The following PFKFB4 variants were observed in gnomAD, a reference collection of about 807,000 sequenced individuals.
The protein encoded by PFKFB4 is 6-phosphofructo-2-kinase/fructose-2,6-biphosphatase 4.
PFKFB4 carries 42 observed loss-of-function variants against 62.8 expected under a neutral mutation model. The observed-to-expected ratio is 0.67, with a 90% CI of 0.52 to 0.86. The LOEUF is 0.86. Among genes scored for constraint, PFKFB4 ranks in the 40% least tolerant of loss-of-function variants. The pLI, the probability that PFKFB4 is intolerant of heterozygous loss-of-function variation, is 0.00. For synonymous variants in PFKFB4, 204 were observed against 240.7 expected, an observed-to-expected ratio of 0.85 and a Z score of 1.41; for missense variants, 475 against 627.2, an observed-to-expected ratio of 0.76 and a Z score of 2.59.
upstream of PFKFB4, chr3:48,562,815 G>T (rs754381784): frequency 1.9e-6 from 3 of 1,566,230 alleles, no homozygotes; most frequent in Admixed American, 3.8e-5. The surrounding 1 kb of genome is among the most constrained non-coding windows in gnomAD (Gnocchi z 4.3). Context: ...GCCAGGATGC[G>T]GGCGTTGGTG....
chr3:48,526,480 GGAGAATCGCAT>G (rs979867954), intron 9 of PFKFB4, among the ~76,000 whole-genome samples: 1 of 151,308 alleles, frequency 6.6e-6, no homozygotes, highest in African/African-American at 2.4e-5. Flanking sequence ...GGCTGAAGCA[GGAGAATCGCAT>G]GTACCCAAGA....
chr3:48,552,612 AGGTG>A (rs1291637179), intron 1 of PFKFB4, among the ~76,000 whole-genome samples: 2 of 152,036 alleles, frequency 1.3e-5, no homozygotes, highest in Non-Finnish European at 2.9e-5. Context: ...GTTCCCGGCC[AGGTG>A]GCCGGGCTCT....
chr3:48,544,078 G>C (rs915408755), intron 3 of PFKFB4, among the ~76,000 whole-genome samples: 1 of 150,224 alleles, frequency 6.7e-6, no homozygotes, highest in Non-Finnish European at 1.5e-5. Flanking sequence ...GCAGTGGTGC[G>C]ATCTCGGCTC....
At chr3:48,550,275 C>G in intron 1 of PFKFB4, 41 bp from the exon 2 acceptor site, 8 of 1,268,822 alleles carry the variant, frequency 6.3e-6, no homozygotes, top group Non-Finnish European at 9.2e-6. Context: ...GGGCTGGGAC[C>G]CTCCCAGCGC....
Position 48,536,243 on chromosome 3 carries a change from C to T in PFKFB4, c.840+13G>A. On this transcript the variant is annotated intron_variant, in intron 8 of 13. Transcript: ENST00000232375. ...GCAGGCCCGTGTGCGCACGCAGGGACACATGCACTGACCTCCCTGCCCCGA... is the reference window on the plus strand; with the variant it reads ...GCAGGCCCGTGTGCGCACGCAGGGATACATGCACTGACCTCCCTGCCCCGA... The T allele has an allele frequency of 1.2e-6, 2 of 1,609,490 alleles. No individual in the cohort carries two copies. The highest frequency in any genetic ancestry group is 8.5e-7 in the Non-Finnish European group (1 of 1,177,128).
upstream of PFKFB4, among the ~76,000 whole-genome samples, chr3:48,560,353 C>T (rs1458878656): frequency 1.3e-5 from 2 of 152,214 alleles, no homozygotes; most frequent in Non-Finnish European, 2.9e-5. Context: ...CCAGGAATTC[C>T]AGCTTCCTCT....
rs997186242 is a variant in PFKFB4 at position 48,523,394 on chromosome 3, A to C, written c.1285+143T>G. 11 of 800,326 alleles carry C rather than the reference A, an allele frequency of 1.4e-5. No homozygotes were observed. The African/African-American group carries it at 1.9e-4, about 14-fold the overall frequency. The allele number at this position is 800,326 out of a possible 1,614,324, so 49.6% of individuals were successfully genotyped here. A position where few individuals can be genotyped will look rare whatever the true frequency, so the allele number is the denominator to read the frequency against. The stretch of plus-strand genomic sequence containing the variant: ...GCGAGACTCCGTCTCAAAGAAAAAA[A>C]GCAAATTGGGAAAGGTGGTGGGGTA... On this transcript the variant is annotated intron_variant, in intron 12 of 13. Coordinates refer to ENST00000232375, the MANE Select transcript of PFKFB4 (RefSeq NM_004567.4).
At chr3:48,532,902 T>A (rs2042472533) in intron 9 of PFKFB4, among the ~76,000 whole-genome samples, 1 of 152,232 alleles carries the variant, frequency 6.6e-6, no homozygotes, top group Admixed American at 6.5e-5. Context: ...GAGGATATTA[T>A]GCTAACTAAA....
chr3:48,520,015 G>A (rs903781283), intron 13 of PFKFB4, among the ~76,000 whole-genome samples: 2 of 152,172 alleles, frequency 1.3e-5, no homozygotes, highest in Non-Finnish European at 2.9e-5. Flanking sequence ...GAACAAAGGT[G>A]CGGTGGAGGA....
intron 9 of PFKFB4, among the ~76,000 whole-genome samples, chr3:48,532,997 G>A (rs1560159649): frequency 6.6e-6 from 1 of 152,212 alleles, no homozygotes; most frequent in Non-Finnish European, 1.5e-5. Context: ...GACAGAAAGT[G>A]GTTGCCAGGG....
Position 48,556,626 on chromosome 3 carries a change from C to A in PFKFB4, c.97+55G>T, listed in dbSNP as rs1575407376. 6.5e-7 allele frequency: 1 copy of A among 1,536,818 alleles called. No homozygotes were observed. The highest frequency in any genetic ancestry group is 2.3e-5 in the East Asian group (1 of 43,126). ...CATGCGAGACCCCCGCCCAGGCCGC[C>A]CTACCCACCCATCCCGGTGCACCTC... On this transcript the variant is annotated intron_variant, in intron 1 of 13. Transcript: ENST00000232375. The surrounding 1 kb of genome is among the most constrained non-coding windows in gnomAD (Gnocchi z 5.7).
rs115668398 is a variant in PFKFB4 at position 48,536,889 on chromosome 3, C to T, written c.633-426G>A. On this transcript the variant is annotated intron_variant, in intron 7 of 13. Coordinates refer to ENST00000232375, the MANE Select transcript of PFKFB4 (RefSeq NM_004567.4). ...TTGGGAGTAGCTGGCAAACGCTCCA[C>T]GCCCTCACTCTTCCTGGTCAGCTGT... 6.5e-3 allele frequency: 1,122 copies of T among 172,712 alleles called. 10 individuals carry two copies. Among genetic ancestry groups the T allele is most frequent in the African/African-American group, 0.025 (1,061 of 42,346 alleles). The allele number at this position is 172,712 out of a possible 1,614,324, so 10.7% of individuals were successfully genotyped here.
Position 48,550,222 on chromosome 3 carries a change from T to G in PFKFB4, c.110A>C (p.Asn37Thr). ...CACCATGACAATGAGAGTTGGGCAG[T>G]TGGTCATGCACACTAAAAGGCAAGC... ...HACQRGVCMTNCPTLIVMVGL... is the reference protein window; with the variant it reads ...HACQRGVCMTTCPTLIVMVGL... Residue 37 changes from asparagine to threonine, a missense_variant, in exon 2 of 14, where the codon AAC (asparagine) becomes ACC (threonine). By Grantham distance (65) the Asn-to-Thr change is moderately conservative. Transcript: ENST00000232375. 1 of 1,612,986 alleles carries G rather than the reference T, an allele frequency of 6.2e-7. No individual in the cohort carries two copies. The highest frequency in any genetic ancestry group is 8.5e-7 in the Non-Finnish European group (1 of 1,179,012).
chr3:48,532,180 T>G (rs1478491448), intron 9 of PFKFB4, among the ~76,000 whole-genome samples: 2 of 152,092 alleles, frequency 1.3e-5, no homozygotes, highest in Non-Finnish European at 2.9e-5. Context: ...CATCGTGGTG[T>G]GGGCCTGTAA....
Position 48,536,250 on chromosome 3 carries a change from A to C in PFKFB4, c.840+6T>G. 6.2e-7 allele frequency: 1 copy of C among 1,611,930 alleles called. No individual in the cohort carries two copies. Among genetic ancestry groups the C allele is most frequent in the Admixed American group, 1.7e-5 (1 of 60,010 alleles). On this transcript the variant is annotated splice_donor_region_variant and intron_variant, in intron 8 of 13. Coordinates refer to ENST00000232375, the MANE Select transcript of PFKFB4 (RefSeq NM_004567.4). ...CGTGTGCGCACGCAGGGACACATGC[A>C]CTGACCTCCCTGCCCCGAGGGGACA...
At chr3:48,558,462 G>A (rs1162816801), upstream of PFKFB4, among the ~76,000 whole-genome samples, 2 of 152,226 alleles carry the variant, frequency 1.3e-5, no homozygotes, top group South Asian at 2.1e-4. Flanking sequence ...GACTGGCCTC[G>A]TGGGCTATAG....
intron 4 of PFKFB4, 25 bp from the exon 5 acceptor site, chr3:48,539,796 AGCCTCTG>A: frequency 6.2e-7 from 1 of 1,601,306 alleles, no homozygotes; most frequent in South Asian, 1.1e-5. Context: ...GGGTTAACTC[AGCCTCTG>A]GCCCTGGGGA....
chr3:48,520,480 C>T (rs2042063534), intron 13 of PFKFB4, among the ~76,000 whole-genome samples: 1 of 152,164 alleles, frequency 6.6e-6, no homozygotes, highest in African/African-American at 2.4e-5. Context: ...GCTGTGGGCC[C>T]CGGAACCATC....
intron 9 of PFKFB4, among the ~76,000 whole-genome samples, chr3:48,528,870 G>A (rs2042344807): frequency 6.6e-6 from 1 of 152,138 alleles, no homozygotes; most frequent in Admixed American, 6.6e-5. Context: ...AACATTAGTG[G>A]TAGCTTAAGG....
Sources: allele counts gnomAD v4.1 joint callset (sites outside exome capture counted in the v4.1 genomes callset), GRCh38; gene constraint gnomAD v4.1.1; non-coding constraint Gnocchi (gnomAD v3.1); transcripts MANE v1.5; gene names NCBI Gene and HGNC (gene_info 2026-07-23, HGNC 2026-07-21).